Variants in ZYG11B observed in about 807,000 individuals in gnomAD.
The protein encoded by ZYG11B is zyg-11 family member B, cell cycle regulator, also known as protein zyg-11 homolog B.
A neutral mutation model predicts 82.4 loss-of-function variants in ZYG11B; 36 were observed. The ratio of observed to expected loss-of-function variants is 0.44; its 90% CI spans 0.33 to 0.58. ZYG11B has a LOEUF of 0.58. Among genes scored for constraint, ZYG11B ranks in the 20% least tolerant of loss-of-function variants. The pLI, the probability that ZYG11B is intolerant of heterozygous loss-of-function variation, is 0.02. For missense variants in ZYG11B, 552 were observed against 895.6 expected (o/e 0.62, Z 4.90); for synonymous variants, 303 against 312.8 (o/e 0.97, Z 0.33).
intron 2 of ZYG11B, among the ~76,000 whole-genome samples, chr1:52,762,780 C>T (rs1222991304): frequency 6.6e-6 from 1 of 151,892 alleles, no homozygotes; most frequent in Non-Finnish European, 1.5e-5. Context: ...CAGGGTTTCA[C>T]CATGTTGGTC....
chr1:52,803,087 CATATATATATACAT>C (rs1396456312), intron 10 of ZYG11B, among the ~76,000 whole-genome samples: 353 of 22,536 alleles, frequency 0.016, 35 homozygotes, highest in East Asian at 0.12. Flanking sequence ...TATATATACA[CATATATATATACAT>C]ATATATATAT....
At chr1:52,745,689 G>A (rs1418461688) in intron 1 of ZYG11B, among the ~76,000 whole-genome samples, 5 of 150,658 alleles carry the variant, frequency 3.3e-5, no homozygotes, top group South Asian at 2.1e-4. Flanking sequence ...TCAGCCTCCC[G>A]AGCAGCTGAG....
In ZYG11B at chr1:52,793,899, CCTTTCTTT is replaced by C. The variant is rs1011283884; in HGVS notation, c.1335-2391_1335-2384del. Among the ~76,000 whole-genome samples the C allele has an allele frequency of 1.8e-4, 19 of 104,790 alleles. No homozygotes were observed. The East Asian group carries it at 4.1e-3, about 22-fold the overall frequency. 68.7% of individuals were successfully genotyped at this position (104,790 alleles called of 152,430 possible). A position where few individuals can be genotyped will look rare whatever the true frequency, so the allele number is the denominator to read the frequency against. On this transcript the variant is annotated intron_variant, in intron 6 of 13. Coordinates refer to ENST00000294353, the MANE Select transcript of ZYG11B (RefSeq NM_024646.3). The stretch of plus-strand genomic sequence containing the variant: ...TCCTTCCTTCCTTCCTTCCTTCCTT[CCTTTCTTT>C]CCTTTCTTTCCTTTCTTAGTTTTCT...
At chr1:52,769,467 G>A (rs1460049349) in intron 2 of ZYG11B, among the ~76,000 whole-genome samples, 1 of 152,178 alleles carries the variant, frequency 6.6e-6, no homozygotes, top group Non-Finnish European at 1.5e-5. Flanking sequence ...ACAATCTGGT[G>A]TATATTTTGT....
rs374522713 is a variant in ZYG11B at position 52,797,949 on chromosome 1, GAC to G, written c.1485+1166_1485+1167del. ...AAGAACAGTCTGGGCAATCTAATGG[GAC>G]TCCTTCTCTACCAAAAAAAAAAAAA... On this transcript the variant is annotated intron_variant, in intron 8 of 13. Transcript: ENST00000294353. 2.3e-3 allele frequency among the ~76,000 whole-genome samples: 354 copies of G among 151,070 alleles called. 3 individuals carry two copies. Among genetic ancestry groups the G allele is most frequent in the African/African-American group, 8.4e-3 (346 of 41,258 alleles).
intron 2 of ZYG11B, among the ~76,000 whole-genome samples, chr1:52,766,268 G>T (rs557727927): frequency 1.3e-5 from 2 of 151,710 alleles, no homozygotes; most frequent in African/African-American, 4.8e-5. Flanking sequence ...CTACAGGCGT[G>T]TGCCACCATG....
intron 9 of ZYG11B, 52 bp from the exon 10 acceptor site, chr1:52,802,040 T>C: frequency 6.3e-7 from 1 of 1,580,888 alleles, no homozygotes; most frequent in Non-Finnish European, 8.6e-7. Flanking sequence ...CTTTAGCATT[T>C]ATTTTATATT....
intron 1 of ZYG11B, among the ~76,000 whole-genome samples, chr1:52,734,500 AT>A (rs557596320): frequency 9.9e-4 from 150 of 151,890 alleles, no homozygotes; most frequent in African/African-American, 3.5e-3. Flanking sequence ...AAAATAAAAA[AT>A]TAGCTGGGTG....
chr1:52,730,386 G>A (rs1048659367), intron 1 of ZYG11B, among the ~76,000 whole-genome samples: 1 of 152,026 alleles, frequency 6.6e-6, no homozygotes, highest in Non-Finnish European at 1.5e-5. Flanking sequence ...GAGTGCAGCG[G>A]CGTGATTACG....
intron 1 of ZYG11B, among the ~76,000 whole-genome samples, chr1:52,734,121 C>T (rs1644357950): frequency 6.6e-6 from 1 of 152,046 alleles, no homozygotes; most frequent in African/African-American, 2.4e-5. Context: ...CTTCATCCTC[C>T]TGAGTTGCTG....
At chr1:52,729,382 A>C (rs1644311327) in intron 1 of ZYG11B, among the ~76,000 whole-genome samples, 1 of 152,216 alleles carries the variant, frequency 6.6e-6, no homozygotes, top group Non-Finnish European at 1.5e-5. Context: ...GCATCTAATT[A>C]ACTTGATTTT....
At chr1:52,776,060 C>G (rs1231359581) in intron 3 of ZYG11B, among the ~76,000 whole-genome samples, 10 of 142,480 alleles carry the variant, frequency 7.0e-5, no homozygotes. Flanking sequence ...TACTAAAAAT[C>G]CCAAAAAAAT....
intron 8 of ZYG11B, among the ~76,000 whole-genome samples, chr1:52,797,249 A>G (rs1474814879): frequency 1.2e-5 from 1 of 85,310 alleles, no homozygotes; most frequent in African/African-American, 5.0e-5. Context: ...ATTTGTATAT[A>G]TAATATATAT....
intron 8 of ZYG11B, among the ~76,000 whole-genome samples, chr1:52,799,858 T>C (rs1045260089): frequency 8.6e-5 from 13 of 151,958 alleles, no homozygotes; most frequent in Admixed American, 5.9e-4. Context: ...TCGGGAATAA[T>C]GAAAAGGGTA....
At chr1:52,802,006 T>A in intron 9 of ZYG11B, 26 bp downstream of exon 9, 1 of 1,589,004 alleles carries the variant, frequency 6.3e-7, no homozygotes, top group Admixed American at 1.8e-5. Flanking sequence ...TAGCTTACAG[T>A]TTTGATATTT....
chr1:52,728,918 G>T (rs572714815), intron 1 of ZYG11B, among the ~76,000 whole-genome samples: 3 of 152,016 alleles, frequency 2.0e-5, no homozygotes, highest in African/African-American at 7.3e-5. Flanking sequence ...GTAGGAAGTA[G>T]TATTACCCTT....
intron 1 of ZYG11B, among the ~76,000 whole-genome samples, chr1:52,741,315 A>AAAAAAAAAAAAAAG (rs1553257617): frequency 1.4e-5 from 2 of 142,662 alleles, no homozygotes; most frequent in African/African-American, 5.7e-5. Flanking sequence ...AAAAAAAAAA[A>AAAAAAAAAAAAAAG]AAAAGAAAAG....
chr1:52,769,307 G>T (rs1351369496), intron 2 of ZYG11B, among the ~76,000 whole-genome samples: 1 of 151,796 alleles, frequency 6.6e-6, no homozygotes, highest in Admixed American at 6.6e-5. Flanking sequence ...TAAATTTACC[G>T]GTGGCCACAT....
At chr1:52,800,681 C>T (rs899765329) in intron 8 of ZYG11B, among the ~76,000 whole-genome samples, 36 of 152,064 alleles carry the variant, frequency 2.4e-4, no homozygotes, top group African/African-American at 7.7e-4. Context: ...TGGTGGCATG[C>T]GCCTGTAATC....
Sources: allele counts gnomAD v4.1 joint callset (sites outside exome capture counted in the v4.1 genomes callset), GRCh38; gene constraint gnomAD v4.1.1; transcripts MANE v1.5; gene names NCBI Gene and HGNC (gene_info 2026-07-23, HGNC 2026-07-21).